GALNS: variants seen among roughly 807,000 people sequenced by gnomAD.
The protein encoded by GALNS is galactosamine (N-acetyl)-6-sulfatase.
GALNS carries 65 observed loss-of-function variants against 65.9 expected under a neutral mutation model. The ratio of observed to expected loss-of-function variants is 0.99; its 90% confidence interval spans 0.81 to 1.21. The LOEUF (loss-of-function observed/expected upper bound fraction) is 1.21, where lower values mean the gene tolerates loss of function less well. Ranked by LOEUF, GALNS falls within the 50% of genes most tolerant of loss-of-function variation. GALNS has a pLI of 0.00. For synonymous variants in GALNS, 346 were observed against 288.9 expected (o/e 1.20, Z -2.00); for missense variants, 776 against 700.7 (o/e 1.11, Z -1.21).
chr16:88,841,543 C>T (rs1024929227), intron 3 of GALNS, among the ~76,000 whole-genome samples: 4 of 152,180 alleles, frequency 2.6e-5, no homozygotes, highest in Non-Finnish European at 2.9e-5. Flanking sequence ...CCCATCCAAA[C>T]CCCTCAAGCA....
chr16:88,826,924 C>T lies in GALNS; in HGVS notation c.1003-86G>A, dbSNP rs182880563. The T allele has an allele frequency of 6.5e-4, 971 of 1,490,030 alleles. 2 individuals are homozygous for T. Among genetic ancestry groups the T allele is most frequent in the Admixed American group, 2.1e-3 (105 of 50,868 alleles). 92.3% of individuals were successfully genotyped at this position (1,490,030 alleles called of 1,614,324 possible). On this transcript the variant is annotated intron_variant, in intron 9 of 13. Transcript: ENST00000268695. ...CCAATCCCTGGGGGGGCGTGAGCCC[C>T]GCTGCCCAGCTGGGTCTACAGATAT...
intron 12 of GALNS, among the ~76,000 whole-genome samples, chr16:88,821,030 G>A (rs12934088): frequency 0.37 from 56,644 of 151,898 alleles, 10,803 homozygotes; most frequent in East Asian, 0.61. Flanking sequence ...CAAGCTCCAG[G>A]CCCCCCATGG....
In GALNS at chr16:88,836,229, T is replaced by C; in HGVS notation, c.605A>G (p.Glu202Gly). Residue 202 changes from glutamate to glycine, a missense_variant, in exon 6 of 14, where the codon GAA (glutamate) becomes GGA (glycine). Physicochemically the swap from Glu to Gly is moderately conservative, Grantham distance 98. Coordinates refer to ENST00000268695, the MANE Select transcript of GALNS (RefSeq NM_000512.5). ...CAGGTAGATCTGGGTGAGGTTGGCT[T>C]CCCCCGTCTTCAGATTAATAGGAAA... ...EEFPINLKTGEANLTQIYLQE... is the reference protein window; with the variant it reads ...EEFPINLKTGGANLTQIYLQE... 1 of 1,613,484 alleles carries C rather than the reference T, an allele frequency of 6.2e-7. No individual in the cohort carries two copies. The highest frequency in any genetic ancestry group is 8.5e-7 in the Non-Finnish European group (1 of 1,179,818).
chr16:88,854,370 CGTCAG>C lies in GALNS; in HGVS notation c.120+2383_120+2387del, dbSNP rs531910026. Among the ~76,000 whole-genome samples, 8 of 152,342 alleles carry C rather than the reference CGTCAG, an allele frequency of 5.3e-5. No individual in the cohort carries two copies. The South Asian group carries it at 1.7e-3, about 32-fold the overall frequency. Reference sequence around the variant, plus strand: ...GAGGACCCCCTTGCACCCTGGGCCACGTCAGGGCACCTCGGGGCTCCACTGTGAGC... The same window carrying C: ...GAGGACCCCCTTGCACCCTGGGCCACGGCACCTCGGGGCTCCACTGTGAGC... On this transcript the variant is annotated intron_variant, in intron 1 of 13. Transcript: ENST00000268695.
chr16:88,856,916 G>C lies in GALNS; in HGVS notation c.-39C>G, dbSNP rs1319800035. The C allele has an allele frequency of 1.0e-5, 15 of 1,486,720 alleles. No individual in the cohort carries two copies. The African/African-American group carries it at 1.8e-4, about 18-fold the overall frequency. The allele number at this position is 1,486,720 out of a possible 1,614,324, so 92.1% of individuals were successfully genotyped here. ...GCCGCGGAGCCCCGGCCAGCGAGCC[G>C]ACCTAGCGAGCGTCCGCCGGCCCTT... On this transcript the variant is annotated 5_prime_UTR_variant, in exon 1 of 14. Transcript: ENST00000268695.
In GALNS at chr16:88,839,446, T is replaced by G. The variant is rs372841135; in HGVS notation, c.422+1546A>C. On this transcript the variant is annotated intron_variant, in intron 4 of 13. Transcript: ENST00000268695. ...CGAAAGCAGCAGTGGGGCCTGGCAC[T>G]CACCAGCAGGTGACCTGGAGCAGGG... Among the ~76,000 whole-genome samples, 156 of 152,380 alleles carry G rather than the reference T, an allele frequency of 1.0e-3. 4 individuals are homozygous for G. The South Asian group carries it at 0.031, about 31-fold the overall frequency.
At position 88,834,634 on chromosome 16, in the gene GALNS, G is replaced by GCC. The variant is rs148250960; in HGVS notation, c.898+577_898+578dup. Among the ~76,000 whole-genome samples the GCC allele has an allele frequency of 6.9e-4, 48 of 69,372 alleles. 4 individuals carry two copies. Among genetic ancestry groups the GCC allele is most frequent in the African/African-American group, 1.8e-3 (46 of 26,030 alleles). 45.5% of individuals were successfully genotyped at this position (69,372 alleles called of 152,430 possible). A position where few individuals can be genotyped will look rare whatever the true frequency, so the allele number is the denominator to read the frequency against. On this transcript the variant is annotated intron_variant, in intron 8 of 13. Transcript: ENST00000268695. ...GTGTGGTCTGGGAAGAGGCTGCAGG[G>GCC]CCCCCCCCCGCGTGGTCTGGGAAGA...
intron 1 of GALNS, among the ~76,000 whole-genome samples, chr16:88,851,853 G>T (rs58334835): frequency 0.01 from 1,578 of 152,374 alleles, 23 homozygotes; most frequent in African/African-American, 0.036. Context: ...CAAAGCGGCA[G>T]GGAAGCTCGA....
chr16:88,825,415 T>C (rs1383198890), intron 10 of GALNS, among the ~76,000 whole-genome samples: 1 of 130,284 alleles, frequency 7.7e-6, no homozygotes, highest in Non-Finnish European at 1.6e-5. Context: ...TGACTGGGTG[T>C]CTGGGGTGCC....
At chr16:88,844,963 T>C (rs569427358) in intron 1 of GALNS, 1 of 152,394 alleles carries the variant, frequency 6.6e-6, no homozygotes, top group African/African-American at 2.4e-5. Context: ...CTGAATTTCA[T>C]ATAATTTTTC....
intron 1 of GALNS, chr16:88,856,214 C>T: frequency 1.4e-6 from 1 of 703,048 alleles, no homozygotes; most frequent in Non-Finnish European, 2.6e-6. Flanking sequence ...GACCTTCGCT[C>T]AGCATTCTCC....
chr16:88,845,842 G>A lies in GALNS; in HGVS notation c.121-3013C>T, dbSNP rs7194636. On this transcript the variant is annotated intron_variant, in intron 1 of 13. Transcript: ENST00000268695. The stretch of plus-strand genomic sequence containing the variant: ...CTCCAACTCTAAAAAAAAAAAAAAA[G>A]CCAAGTGTGGTGGTGTGTACCTGTG... Among the ~76,000 whole-genome samples the A allele has an allele frequency of 5.0e-3, 724 of 144,076 alleles. 5 individuals carry two copies. Among genetic ancestry groups the A allele is most frequent in the African/African-American group, 0.017 (680 of 38,946 alleles). The allele number at this position is 144,076 out of a possible 152,430, so 94.5% of individuals were successfully genotyped here. A position where few individuals can be genotyped will look rare whatever the true frequency, so the allele number is the denominator to read the frequency against.
intron 5 of GALNS, among the ~76,000 whole-genome samples, chr16:88,836,590 G>A (rs1014341207): frequency 2.0e-5 from 3 of 152,052 alleles, no homozygotes; most frequent in African/African-American, 7.2e-5. Flanking sequence ...GGAGGCGGAG[G>A]TTGCAGTGAG....
At chr16:88,830,050 G>A (rs1419738919) in intron 9 of GALNS, among the ~76,000 whole-genome samples, 2 of 152,070 alleles carry the variant, frequency 1.3e-5, no homozygotes, top group African/African-American at 4.8e-5. Flanking sequence ...GGCCAACATA[G>A]TGAAACTCCG....
At chr16:88,827,286 T>G (rs545956158) in intron 9 of GALNS, among the ~76,000 whole-genome samples, 1 of 152,166 alleles carries the variant, frequency 6.6e-6, no homozygotes, top group East Asian at 1.9e-4. Flanking sequence ...TCCGAGTGGC[T>G]GGGGTGGGGA....
chr16:88,846,615 C>T (rs1967258905), intron 1 of GALNS, among the ~76,000 whole-genome samples: 1 of 149,814 alleles, frequency 6.7e-6, no homozygotes, highest in Non-Finnish European at 1.5e-5. Flanking sequence ...GATCTCGGCT[C>T]ACGGCAACCT....
In GALNS at chr16:88,835,741, T is replaced by C. The variant is rs773760248; in HGVS notation, c.742A>G (p.Thr248Ala). ...PVYASKPFLG[T>A]SQRGRYGDAV... ...AGGACTCACCGCCCTCGCTGACTGG[T>C]GCCCAAGAAGGGTTTGGAGGCATAG... The change falls in exon 7 of 14, where the codon ACC becomes GCC. Residue 248 changes from threonine to alanine, a missense_variant. Thr to Ala is a moderately conservative substitution (Grantham distance 58, BLOSUM62 0). Coordinates refer to ENST00000268695, the MANE Select transcript of GALNS (RefSeq NM_000512.5). 6.2e-7 allele frequency: 1 copy of C among 1,614,060 alleles called. No homozygotes were observed. The highest frequency in any genetic ancestry group is 2.2e-5 in the East Asian group (1 of 44,884).
At chr16:88,824,588 G>A (rs1239280593) in intron 11 of GALNS, among the ~76,000 whole-genome samples, 179 bp downstream of exon 11, 1 of 152,174 alleles carries the variant, frequency 6.6e-6, no homozygotes, top group Non-Finnish European at 1.5e-5. Context: ...TCTCCAGCCT[G>A]TCAGCTGCCA....
chr16:88,842,003 TAAG>T (rs1567537369), intron 2 of GALNS, 32 bp from the exon 3 acceptor site: 35 of 1,592,520 alleles, frequency 2.2e-5, no homozygotes, highest in Non-Finnish European at 2.8e-5. Context: ...AGAAACTGGA[TAAG>T]AAGGGTGTGG....
Sources: allele counts gnomAD v4.1 joint callset (sites outside exome capture counted in the v4.1 genomes callset), GRCh38; gene constraint gnomAD v4.1.1; transcripts MANE v1.5; gene names NCBI Gene and HGNC (gene_info 2026-07-23, HGNC 2026-07-21).